Variants in RBM41 observed in about 807,000 individuals in gnomAD.
RBM41 encodes RNA binding motif protein 41.
In RBM41, 14 loss-of-function variants were observed where a neutral mutation model predicts 30.8. The ratio of observed to expected loss-of-function variants is 0.45; its 90% CI spans 0.30 to 0.71. The LOEUF (loss-of-function observed/expected upper bound fraction) is 0.71. Ranked by LOEUF, RBM41 falls within the 30% of genes least tolerant of loss-of-function variation. RBM41 has a pLI of 0.08. For missense variants in RBM41, 276 were observed against 326.3 expected (o/e 0.85, Z 1.19); for synonymous variants, 120 against 110.1 (o/e 1.09, Z -0.56).
intron 6 of RBM41, among the ~76,000 whole-genome samples, chrX:107,071,894 T>C (rs779994941): frequency 2.7e-4 from 30 of 111,795 alleles, no homozygotes; most frequent in Non-Finnish European, 5.5e-4. Context: ...GTTCTAGCCA[T>C]AGCAAATAGG....
intron 6 of RBM41, among the ~76,000 whole-genome samples, chrX:107,083,302 G>A (rs1170396944): frequency 9.0e-6 from 1 of 110,695 alleles, no homozygotes; most frequent in African/African-American, 3.3e-5. Context: ...TTTCTATATA[G>A]GTAAAGTGTT....
chrX:107,088,761 C>T lies in RBM41; in HGVS notation c.674G>A (p.Arg225His), dbSNP rs373807953. The T allele has an allele frequency of 7.4e-6, 9 of 1,209,279 alleles. No homozygotes were observed. The highest frequency in any genetic ancestry group is 2.2e-5 in the Admixed American group (1 of 45,633). ...SFYQEMIMKK[R>H]LEEFQLMRGE... is the part of the protein sequence containing the mutation. ...TCTCATAAGTTGAAACTCTTCAAGA[C>T]GTTTTTTCATTATCATCTCTTGGTA... The change falls in exon 6 of 8, where the codon CGT becomes CAT. Residue 225 changes from arginine to histidine, a missense_variant. By Grantham distance (29) the Arg-to-His change is conservative. Transcript: ENST00000685964.
At chrX:107,104,770 T>G (rs970277816) in intron 5 of RBM41, among the ~76,000 whole-genome samples, 7 of 111,453 alleles carry the variant, frequency 6.3e-5, no homozygotes, top group African/African-American at 2.3e-4. Flanking sequence ...TAGATAAGCT[T>G]TTTGATGTGC....
At chrX:107,059,828 G>A (rs367924820), downstream of RBM41, among the ~76,000 whole-genome samples, 15 of 111,689 alleles carry the variant, frequency 1.3e-4, no homozygotes, top group East Asian at 2.2e-3. Flanking sequence ...TCTATTTTCC[G>A]TACCCTTAGC....
intron 6 of RBM41, among the ~76,000 whole-genome samples, chrX:107,073,321 G>A (rs1936131590): frequency 9.0e-6 from 1 of 111,506 alleles, no homozygotes; most frequent in Admixed American, 9.6e-5. Flanking sequence ...TTTAAAAATG[G>A]GCAAATGATC....
downstream of RBM41, among the ~76,000 whole-genome samples, chrX:107,060,177 C>T (rs1447388098): frequency 2.7e-5 from 3 of 109,829 alleles, no homozygotes; most frequent in Non-Finnish European, 5.7e-5. Context: ...GTAAAATAAA[C>T]ATCCATGCTG....
intron 6 of RBM41, among the ~76,000 whole-genome samples, chrX:107,074,590 A>G (rs1401726245): frequency 2.7e-5 from 3 of 112,219 alleles, no homozygotes; most frequent in African/African-American, 6.5e-5. Flanking sequence ...ATCAACATAG[A>G]AAAATTCAGT....
intron 6 of RBM41, among the ~76,000 whole-genome samples, chrX:107,073,767 C>T (rs937766139): frequency 2.7e-5 from 3 of 111,930 alleles, no homozygotes; most frequent in East Asian, 5.6e-4. Context: ...TATATATACA[C>T]AGTGGAATAC....
Position 107,066,658 on chromosome X carries a change from T to C in RBM41, c.*869A>G. The C allele has an allele frequency of 1.4e-6, 1 of 728,112 alleles. No individual in the cohort carries two copies. The highest frequency in any genetic ancestry group is 7.0e-5 in the South Asian group (1 of 14,206). The allele number at this position is 728,112 out of a possible 1,213,427, so 60.0% of individuals were successfully genotyped here. A position where few individuals can be genotyped will look rare whatever the true frequency, so the allele number is the denominator to read the frequency against. ...GCTGTACAGGTCTGACTCCAGTTTGTACTACTTCCTCTCTGTATATTGTTT... is the reference window on the plus strand; with the variant it reads ...GCTGTACAGGTCTGACTCCAGTTTGCACTACTTCCTCTCTGTATATTGTTT... On this transcript the variant is annotated 3_prime_UTR_variant, in exon 8 of 8. Coordinates refer to ENST00000685964, the MANE Select transcript of RBM41 (RefSeq NM_001324242.2).
the RBM41 span, among the ~76,000 whole-genome samples, chrX:107,054,527 T>C: frequency 8.9e-6 from 1 of 112,005 alleles, no homozygotes; most frequent in Non-Finnish European, 1.9e-5. Context: ...CCCATCTTAC[T>C]AAATGGTATT....
At chrX:107,088,188 T>A (rs759322258) in intron 6 of RBM41, among the ~76,000 whole-genome samples, 23 of 111,573 alleles carry the variant, frequency 2.1e-4, no homozygotes, top group Admixed American at 1.4e-3. Context: ...TGGACTAGAG[T>A]CTTATCAAGA....
intron 5 of RBM41, chrX:107,112,989 A>T: frequency 4.0e-6 from 1 of 247,825 alleles, no homozygotes; most frequent in South Asian, 4.6e-5. Flanking sequence ...TACAATTCAT[A>T]GAATTGTACA....
In RBM41 at chrX:107,069,303, G is replaced by A; in HGVS notation, c.1099C>T (p.Arg367Ter). 8.3e-7 allele frequency: 1 copy of A among 1,209,901 alleles called. No homozygotes were observed. Among genetic ancestry groups the A allele is most frequent in the Non-Finnish European group, 1.1e-6 (1 of 894,852 alleles). The change falls in exon 7 of 8, where the codon CGA (arginine) becomes TGA (stop). Residue 367 changes from arginine (R) to a stop codon, truncating the protein, a stop_gained. Transcript: ENST00000685964. LOFTEE classifies it high-confidence loss of function. ...CCCCTCATTCGTCCAGTCATCATTC[G>A]GAATTGAATTGGAGGTCCTTTTTTC... ...QEKKGPPIQF[R>*]MMTGRMRGQA...
chrX:107,099,429 C>T (rs1314498575), intron 5 of RBM41, among the ~76,000 whole-genome samples: 1 of 111,463 alleles, frequency 9.0e-6, no homozygotes, highest in African/African-American at 3.3e-5. Flanking sequence ...TTGATAGATG[C>T]CTAAAGTGAC....
chrX:107,091,200 G>A lies in RBM41; in HGVS notation c.596-2361C>T, dbSNP rs1202477510. On this transcript the variant is annotated intron_variant, in intron 5 of 7. Transcript: ENST00000685964. Reference sequence around the variant, plus strand: ...TACTTAAACTCCTTTATTTTAGAGTGTATCTCCTCTCATATGCTTAATATT... The same window carrying A: ...TACTTAAACTCCTTTATTTTAGAGTATATCTCCTCTCATATGCTTAATATT... Among the ~76,000 whole-genome samples, 4 of 111,855 alleles carry A rather than the reference G, an allele frequency of 3.6e-5. No homozygotes were observed. In the East Asian group the frequency reaches 1.1e-3, roughly 31 times the overall value.
chrX:107,069,605 C>G (rs1343420185), intron 6 of RBM41: 3 of 312,619 alleles, frequency 9.6e-6, no homozygotes, highest in Admixed American at 5.9e-5. Context: ...CAGTCATGTG[C>G]CACCACACCT....
chrX:107,109,376 A>C (rs752481141), intron 5 of RBM41, among the ~76,000 whole-genome samples: 2 of 112,040 alleles, frequency 1.8e-5, no homozygotes, highest in South Asian at 7.4e-4. Flanking sequence ...GACACACTTT[A>C]GGTTCAAAAA....
intron 1 of RBM41, among the ~76,000 whole-genome samples, chrX:107,117,669 G>A (rs1015495371): frequency 8.9e-6 from 1 of 111,864 alleles, no homozygotes; most frequent in Admixed American, 9.4e-5. Context: ...TGAAGTATCA[G>A]GAATACTTCA....
chrX:107,079,991 T>C (rs1165508850), intron 6 of RBM41, among the ~76,000 whole-genome samples: 1 of 112,023 alleles, frequency 8.9e-6, no homozygotes, highest in Non-Finnish European at 1.9e-5. Flanking sequence ...TTCCATTGTA[T>C]AGATCTGCCA....
Sources: gnomAD v4.1 joint callset for allele counts (sites outside exome capture counted in the v4.1 genomes callset) on GRCh38, gnomAD v4.1.1 for gene constraint, MANE v1.5 for transcripts, NCBI Gene and HGNC (gene_info 2026-07-23, HGNC 2026-07-21) for gene names.